Variants in ADGRL3 observed in about 807,000 individuals in gnomAD.
ADGRL3 encodes the protein adhesion G protein-coupled receptor L3.
In ADGRL3, 62 loss-of-function variants were observed where a neutral mutation model predicts 153.5. The observed-to-expected ratio is 0.40, with a 90% CI of 0.33 to 0.50. The LOEUF (loss-of-function observed/expected upper bound fraction) is 0.50. Among genes scored for constraint, ADGRL3 ranks in the 20% least tolerant of loss-of-function variants. The probability of loss-of-function intolerance (pLI) is 0.47; values close to 1 mark genes in which losing one functional copy is unlikely to be tolerated. For synonymous variants in ADGRL3, 710 were observed against 672.5 expected (o/e 1.06, Z -0.86); for missense variants, 1,641 against 1,859.4 (o/e 0.88, Z 2.16).
intron 1 of ADGRL3, among the ~76,000 whole-genome samples, chr4:61,231,725 C>T (rs538983176): frequency 4.6e-5 from 7 of 152,022 alleles, no homozygotes; most frequent in African/African-American, 1.7e-4. Flanking sequence ...AATAAGACGT[C>T]GAGGGGTGGT....
chr4:61,500,481 C>A (rs1277767512), intron 3 of ADGRL3, among the ~76,000 whole-genome samples: 1 of 152,102 alleles, frequency 6.6e-6, no homozygotes. Flanking sequence ...TTTAGAGTCC[C>A]TATCAATCCT....
At chr4:61,595,094 C>T (rs2098983592) in intron 5 of ADGRL3, among the ~76,000 whole-genome samples, 1 of 152,162 alleles carries the variant, frequency 6.6e-6, no homozygotes, top group South Asian at 2.1e-4. Context: ...AGAGCAGGTC[C>T]AGAAATGCTG....
chr4:62,064,307 G>GA (rs1441308107), intron 25 of ADGRL3, among the ~76,000 whole-genome samples: 1 of 149,982 alleles, frequency 6.7e-6, no homozygotes, highest in East Asian at 2.0e-4. Flanking sequence ...CCTCCAGCTT[G>GA]AAAATGATCC....
At chr4:61,935,110 A>G (rs2098832711) in intron 14 of ADGRL3, 87 bp downstream of exon 14, 2 of 1,074,944 alleles carry the variant, frequency 1.9e-6, no homozygotes, top group African/African-American at 1.6e-5. Flanking sequence ...TGTCCTAGAT[A>G]TGAGTGATGC....
At position 61,556,264 on chromosome 4, in the gene ADGRL3, T is replaced by G. The variant is rs556170749; in HGVS notation, c.260-30963T>G. Among the ~76,000 whole-genome samples, 3 of 152,168 alleles carry G rather than the reference T, an allele frequency of 2.0e-5. No individual in the cohort carries two copies. In the East Asian group the frequency reaches 5.8e-4, roughly 29 times the overall value. On this transcript the variant is annotated intron_variant, in intron 4 of 26. Coordinates refer to ENST00000683033, the MANE Select transcript of ADGRL3 (RefSeq NM_001387552.1). ...GAGTTTGCAAATATAAAGAATATAG[T>G]CAGAGGAGATCTCAGTGAAAAAGTG...
At chr4:62,011,287 C>T (rs1410380610) in intron 21 of ADGRL3, among the ~76,000 whole-genome samples, 1 of 152,020 alleles carries the variant, frequency 6.6e-6, no homozygotes, top group Non-Finnish European at 1.5e-5. Context: ...ACTCAAGGAA[C>T]ACAATTAAAC....
chr4:61,527,045 A>G (rs335323), intron 4 of ADGRL3, among the ~76,000 whole-genome samples: 120,156 of 151,950 alleles, frequency 0.79, 47,783 homozygotes, highest in East Asian at 0.94. Context: ...CATTATTTGC[A>G]ACACATTTTT....
At chr4:61,798,574 A>C (rs551686359) in intron 8 of ADGRL3, among the ~76,000 whole-genome samples, 4 of 152,026 alleles carry the variant, frequency 2.6e-5, no homozygotes, top group African/African-American at 9.6e-5. Flanking sequence ...TGAACCAAGG[A>C]AAGTAGGACT....
chr4:61,624,008 A>T (rs1560953382), intron 5 of ADGRL3, among the ~76,000 whole-genome samples: 2 of 152,150 alleles, frequency 1.3e-5, no homozygotes, highest in Non-Finnish European at 2.9e-5. Flanking sequence ...CTCAGAGTAC[A>T]TGGGGGTGAA....
In ADGRL3 at chr4:61,203,556, C is replaced by G. The variant is rs77384758; in HGVS notation, c.-240+1791C>G. Among the ~76,000 whole-genome samples, 605 of 152,284 alleles carry G rather than the reference C, an allele frequency of 4.0e-3. 8 individuals carry two copies. Among genetic ancestry groups the G allele is most frequent in the African/African-American group, 0.014 (579 of 41,570 alleles). On this transcript the variant is annotated intron_variant, in intron 1 of 26. Transcript: ENST00000683033. ...GAAAAATTGCCTTCTGTGTTTTGCT[C>G]TGAAGTAAATAGGCAGTCTGCTAAT... is the stretch of plus-strand genomic sequence containing the variant.
intron 3 of ADGRL3, among the ~76,000 whole-genome samples, chr4:61,517,022 T>C (rs335310): frequency 0.76 from 114,816 of 151,308 alleles, 43,931 homozygotes; most frequent in East Asian, 0.94. Context: ...GGTAGCTTAC[T>C]GTGCTTTCAA....
intron 1 of ADGRL3, among the ~76,000 whole-genome samples, chr4:61,287,794 C>G (rs1283070197): frequency 2.0e-5 from 3 of 151,854 alleles, no homozygotes; most frequent in Non-Finnish European, 4.4e-5. Context: ...CAAGGCTTAT[C>G]CCTGGATGGG....
chr4:61,758,366 G>T (rs1012383038), intron 8 of ADGRL3, among the ~76,000 whole-genome samples: 2 of 152,158 alleles, frequency 1.3e-5, no homozygotes, highest in Non-Finnish European at 2.9e-5. Flanking sequence ...GGGTGCTCCT[G>T]TATTGGGTGC....
chr4:61,796,596 A>G (rs939537391), intron 8 of ADGRL3, among the ~76,000 whole-genome samples: 8 of 152,178 alleles, frequency 5.3e-5, no homozygotes, highest in African/African-American at 1.7e-4. Flanking sequence ...ATAAAAGACG[A>G]GATGCCTGTT....
At chr4:62,028,740 T>C in intron 21 of ADGRL3, 115 bp from the exon 22 acceptor site, 1 of 676,608 alleles carries the variant, frequency 1.5e-6, no homozygotes, top group Non-Finnish European at 2.5e-6. Flanking sequence ...TGATTTCTTT[T>C]AGGGAGGTGG....
intron 4 of ADGRL3, among the ~76,000 whole-genome samples, chr4:61,555,221 A>C (rs573543321): frequency 2.0e-5 from 3 of 152,186 alleles, no homozygotes; most frequent in Non-Finnish European, 4.4e-5. Flanking sequence ...CCTTATGCCA[A>C]AGTGGAATAT....
In ADGRL3 at chr4:61,999,032, A is replaced by G. The variant is rs990104142; in HGVS notation, c.3395+767A>G. Among the ~76,000 whole-genome samples, 4 of 152,316 alleles carry G rather than the reference A, an allele frequency of 2.6e-5. No homozygotes were observed. The South Asian group carries it at 6.2e-4, about 24-fold the overall frequency. On this transcript the variant is annotated intron_variant, in intron 21 of 26. Transcript: ENST00000683033. ...GAACCCTGGAATTATGAATGTGGGC[A>G]TTTATATAGGAGCTGTTAGATGGCT...
chr4:61,318,108 C>T (rs557364885), intron 1 of ADGRL3, among the ~76,000 whole-genome samples: 4 of 142,696 alleles, frequency 2.8e-5, no homozygotes, highest in South Asian at 2.5e-4. Flanking sequence ...ACCTGGGGGG[C>T]GTAGGTTGCA....
chr4:61,443,082 T>C (rs2097544272), intron 2 of ADGRL3, among the ~76,000 whole-genome samples: 1 of 152,196 alleles, frequency 6.6e-6, no homozygotes, highest in African/African-American at 2.4e-5. Context: ...TCCAGTGCAC[T>C]GTTTCTGACC....
Sources: allele counts gnomAD v4.1 joint callset (sites outside exome capture counted in the v4.1 genomes callset), GRCh38; gene constraint gnomAD v4.1.1; transcripts MANE v1.5; gene names NCBI Gene and HGNC (gene_info 2026-07-23, HGNC 2026-07-21).